ZNRF3: variants seen among roughly 807,000 people sequenced by gnomAD.
ZNRF3 encodes the protein E3 ubiquitin-protein ligase ZNRF3.
A neutral mutation model predicts 72.5 loss-of-function variants in ZNRF3; 23 were observed. The observed-to-expected ratio is 0.32, with a 90% CI of 0.23 to 0.45. The LOEUF (loss-of-function observed/expected upper bound fraction) is 0.45, where lower values mean the gene tolerates loss of function less well. ZNRF3 is among the 20% of genes least tolerant of loss of function. The pLI, the probability that ZNRF3 is intolerant of heterozygous loss-of-function variation, is 1.00. For missense variants in ZNRF3, 1,169 were observed against 1,272.1 expected, an observed-to-expected ratio of 0.92 and a Z score of 1.23; for synonymous variants, 610 against 545.3, an observed-to-expected ratio of 1.12 and a Z score of -1.65.
At chr22:28,892,284 G>C (rs2033902264) in intron 1 of ZNRF3, among the ~76,000 whole-genome samples, 1 of 152,188 alleles carries the variant, frequency 6.6e-6, no homozygotes, top group South Asian at 2.1e-4. Flanking sequence ...GCTGAGTGTA[G>C]GTGTCCAGAC....
intron 1 of ZNRF3, among the ~76,000 whole-genome samples, chr22:28,937,186 TATATATATATATATATATATATATATATA>T (rs2034837861): frequency 1.7e-4 from 1 of 5,722 alleles, no homozygotes; most frequent in African/African-American, 3.4e-4. Context: ...TATATATATA[TATATATATATATATATATATATATATATA>T]TTTTTTTTTT....
At chr22:28,999,779 GT>G (rs374611458) in intron 2 of ZNRF3, among the ~76,000 whole-genome samples, 128 of 152,292 alleles carry the variant, frequency 8.4e-4, no homozygotes, top group African/African-American at 2.9e-3. Context: ...CATTTCTGGA[GT>G]TCCCCCTCCC....
At chr22:29,052,870 A>G (rs962517004) in intron 8 of ZNRF3, among the ~76,000 whole-genome samples, 1 of 152,114 alleles carries the variant, frequency 6.6e-6, no homozygotes, top group African/African-American at 2.4e-5. Flanking sequence ...ACATGCCATT[A>G]GTCCCAGATA....
chr22:28,892,580 T>C (rs1337798222), intron 1 of ZNRF3, among the ~76,000 whole-genome samples: 1 of 152,196 alleles, frequency 6.6e-6, no homozygotes, highest in Non-Finnish European at 1.5e-5. Context: ...TTGAATGAGA[T>C]GTTTTAAAAT....
intron 1 of ZNRF3, among the ~76,000 whole-genome samples, chr22:28,960,487 G>C (rs1163507297): frequency 6.6e-6 from 1 of 152,172 alleles, no homozygotes; most frequent in Non-Finnish European, 1.5e-5. Context: ...GAGAGCTACT[G>C]TTAATTAATT....
In ZNRF3 at chr22:29,051,723, A is replaced by G. The variant is rs545236129; in HGVS notation, c.2767+775A>G. On this transcript the variant is annotated intron_variant, in intron 8 of 8. Transcript: ENST00000544604. ...GGAGTTCGAGACCAGCTTGGCCAAT[A>G]TGGTGAAACCCCATCTCTACTAAAA... Among the ~76,000 whole-genome samples, 35 of 151,766 alleles carry G rather than the reference A, an allele frequency of 2.3e-4. No homozygotes were observed. In the South Asian group the frequency reaches 5.8e-3, roughly 25 times the overall value.
intron 2 of ZNRF3, among the ~76,000 whole-genome samples, chr22:29,011,411 G>C (rs118171787): frequency 0.015 from 2,334 of 152,330 alleles, 48 homozygotes; most frequent in South Asian, 0.057. Flanking sequence ...AAGGAAGTGG[G>C]GACTGGCGGC....
chr22:28,922,043 A>G (rs560280444), intron 1 of ZNRF3, among the ~76,000 whole-genome samples: 66 of 152,286 alleles, frequency 4.3e-4, no homozygotes, highest in African/African-American at 1.6e-3. Flanking sequence ...TTTCATATAC[A>G]CCTTATTCAC....
intron 1 of ZNRF3, among the ~76,000 whole-genome samples, chr22:28,937,202 TATATATATA>T (rs1226239324): frequency 3.0e-4 from 1 of 3,316 alleles, no homozygotes; most frequent in African/African-American, 4.5e-4. Context: ...TATATATATA[TATATATATA>T]TATATTTTTT....
chr22:28,897,028 C>T lies in ZNRF3; in HGVS notation c.300+12962C>T, dbSNP rs999355331. ...AAGCGATCCTTCCGTCTCAGCCTTC[C>T]GAGTAGCTGGGACTATGCAGGCATG... On this transcript the variant is annotated intron_variant, in intron 1 of 8. Transcript: ENST00000544604. 8.5e-5 allele frequency among the ~76,000 whole-genome samples: 13 copies of T among 152,202 alleles called. No homozygotes were observed. In the South Asian group the frequency reaches 1.7e-3, roughly 19 times the overall value.
At chr22:29,016,956 T>C (rs1028916263) in intron 2 of ZNRF3, among the ~76,000 whole-genome samples, 4 of 152,244 alleles carry the variant, frequency 2.6e-5, no homozygotes, top group African/African-American at 7.2e-5. Context: ...CTATATTCTC[T>C]ATGAAATTGA....
rs571876003 is a variant in ZNRF3, at chr22:28,986,639, C to A, written c.301-437C>A. ...CGGGATGTGTTTCCAGATCCTCTTG[C>A]GTAAGTTGAAGTAGACATGTTGTTG... On this transcript the variant is annotated intron_variant, in intron 1 of 8. Coordinates refer to ENST00000544604, the MANE Select transcript of ZNRF3 (RefSeq NM_001206998.2). 5.4e-5 allele frequency: 53 copies of A among 985,330 alleles called. No homozygotes were observed. In the South Asian group the frequency reaches 2.0e-3, roughly 37 times the overall value. The allele number at this position is 985,330 out of a possible 1,614,324, so 61.0% of individuals were successfully genotyped here. A position where few individuals can be genotyped will look rare whatever the true frequency, so the allele number is the denominator to read the frequency against.
intron 1 of ZNRF3, among the ~76,000 whole-genome samples, chr22:28,963,285 T>C (rs768989802): frequency 5.9e-5 from 9 of 152,030 alleles, no homozygotes; most frequent in Non-Finnish European, 1.0e-4. Flanking sequence ...GTGACTTGGG[T>C]TCTTTAAGGG....
chr22:28,894,310 T>C (rs2033951653), intron 1 of ZNRF3, among the ~76,000 whole-genome samples: 1 of 151,442 alleles, frequency 6.6e-6, no homozygotes, highest in African/African-American at 2.4e-5. Context: ...TATATATTCC[T>C]ATCATTTAGT....
intron 2 of ZNRF3, among the ~76,000 whole-genome samples, chr22:29,016,552 A>G (rs753691388): frequency 6.6e-6 from 1 of 152,224 alleles, no homozygotes; most frequent in Admixed American, 6.5e-5. Flanking sequence ...TAGAGCTTGA[A>G]TTTAGGGATT....
At chr22:29,033,076 G>T (rs949228578) in intron 2 of ZNRF3, among the ~76,000 whole-genome samples, 1 of 152,214 alleles carries the variant, frequency 6.6e-6, no homozygotes, top group African/African-American at 2.4e-5. Flanking sequence ...TAGGCCGGGT[G>T]TGGTGGCTCA....
At chr22:28,985,625 G>C (rs1397034568) in intron 1 of ZNRF3, among the ~76,000 whole-genome samples, 2 of 152,232 alleles carry the variant, frequency 1.3e-5, no homozygotes, top group Non-Finnish European at 2.9e-5. Context: ...GTAAGCAAGT[G>C]GTGGAGTGGG....
At chr22:28,937,638 T>C (rs2034864690) in intron 1 of ZNRF3, among the ~76,000 whole-genome samples, 1 of 152,166 alleles carries the variant, frequency 6.6e-6, no homozygotes, top group Non-Finnish European at 1.5e-5. Flanking sequence ...AGAATCTGCA[T>C]TTCTAACAAG....
chr22:28,917,125 C>T (rs975416721), intron 1 of ZNRF3, among the ~76,000 whole-genome samples: 1 of 152,138 alleles, frequency 6.6e-6, no homozygotes, highest in African/African-American at 2.4e-5. Context: ...TGCCTAGAAG[C>T]GTCGGCCAGG....
Sources: gnomAD v4.1 joint callset for allele counts (sites outside exome capture counted in the v4.1 genomes callset) on GRCh38, gnomAD v4.1.1 for gene constraint, MANE v1.5 for transcripts, NCBI Gene and HGNC (gene_info 2026-07-23, HGNC 2026-07-21) for gene names.